PPP3R1: variants seen among roughly 807,000 people sequenced by gnomAD.
PPP3R1 encodes the protein protein phosphatase 3 regulatory subunit B, alpha, also known as calcineurin subunit B type 1.
Under a neutral mutation model 22.6 loss-of-function variants are expected in PPP3R1, and 5 were observed. That is an observed-to-expected ratio of 0.22 (90% CI 0.12 to 0.46). The LOEUF is 0.46. Among genes scored for constraint, PPP3R1 ranks in the 20% least tolerant of loss-of-function variants. The pLI is 0.99. For missense variants in PPP3R1, 61 were observed against 203.2 expected, an observed-to-expected ratio of 0.30 and a Z score of 4.25; for synonymous variants, 56 against 65.2, an observed-to-expected ratio of 0.86 and a Z score of 0.68.
chr2:68,209,358 C>CAAAAA lies in PPP3R1; in HGVS notation c.43+7729_43+7733dup, dbSNP rs777851469. 4.6e-4 allele frequency among the ~76,000 whole-genome samples: 19 copies of CAAAAA among 41,694 alleles called. 1 individual carries two copies. Among genetic ancestry groups the CAAAAA allele is most frequent in the Non-Finnish European group, 5.6e-4 (13 of 23,244 alleles). 27.4% of individuals were successfully genotyped at this position (41,694 alleles called of 152,430 possible). ...TGGGCGACAGAGCGAGACTCTGTCTCAAAAAAAAAAAAAAAAAAAAAAAAA... is the reference window on the plus strand; with the variant it reads ...TGGGCGACAGAGCGAGACTCTGTCTCAAAAAAAAAAAAAAAAAAAAAAAAAAAAAA... On this transcript the variant is annotated intron_variant, in intron 2 of 5. Transcript: ENST00000234310.
At chr2:68,218,120 A>C (rs1168279753) in intron 1 of PPP3R1, among the ~76,000 whole-genome samples, 1 of 152,182 alleles carries the variant, frequency 6.6e-6, no homozygotes, top group Non-Finnish European at 1.5e-5. Context: ...AGCATCCTAT[A>C]TTCTATTTAT....
At chr2:68,185,413 ATTATAT>A (rs2103717364) in intron 5 of PPP3R1, among the ~76,000 whole-genome samples, 1 of 145,092 alleles carries the variant, frequency 6.9e-6, no homozygotes, top group Non-Finnish European at 1.5e-5. Context: ...TCATTTATAT[ATTATAT>A]TTATATATTT....
chr2:68,194,527 G>A (rs775329293), intron 2 of PPP3R1, among the ~76,000 whole-genome samples: 1 of 151,998 alleles, frequency 6.6e-6, no homozygotes, highest in African/African-American at 2.4e-5. Flanking sequence ...ACTTTCAGAT[G>A]ATGAAACATA....
At chr2:68,223,538 T>A (rs1237466415) in intron 1 of PPP3R1, among the ~76,000 whole-genome samples, 1 of 152,080 alleles carries the variant, frequency 6.6e-6, no homozygotes, top group Admixed American at 6.5e-5. Flanking sequence ...GAAGGTTGGT[T>A]TAATATTCAA....
rs183012675 is a variant in PPP3R1 at position 68,181,105 on chromosome 2, G to A, written c.466-95C>T. 1.0e-5 allele frequency: 13 copies of A among 1,244,464 alleles called. No individual in the cohort carries two copies. In the East Asian group the frequency reaches 3.0e-4, roughly 28 times the overall value. 77.1% of individuals were successfully genotyped at this position (1,244,464 alleles called of 1,614,324 possible). ...CATCAAATTTTAAAAAATATTACTA[G>A]GGGGCTGGGCGTGGTGGCTCACACC... On this transcript the variant is annotated intron_variant, in intron 5 of 5. Coordinates refer to ENST00000234310, the MANE Select transcript of PPP3R1 (RefSeq NM_000945.4).
intron 1 of PPP3R1, 45 bp from the exon 2 acceptor site, chr2:68,217,176 T>G: frequency 7.0e-7 from 1 of 1,429,790 alleles, no homozygotes; most frequent in Non-Finnish European, 9.6e-7. Flanking sequence ...TAGGCACAAA[T>G]TTGTTTAAAA....
intron 1 of PPP3R1, among the ~76,000 whole-genome samples, chr2:68,241,165 T>C (rs4671886): frequency 0.22 from 32,247 of 145,338 alleles, 3,682 homozygotes; most frequent in Non-Finnish European, 0.25. Context: ...CTCAAGTCCC[T>C]GATATAAAAT....
chr2:68,217,139 GA>G lies in PPP3R1; in HGVS notation c.4-9del, dbSNP rs1179378466. On this transcript the variant is annotated splice_polypyrimidine_tract_variant and intron_variant, in intron 1 of 5. Coordinates refer to ENST00000234310, the MANE Select transcript of PPP3R1 (RefSeq NM_000945.4). ...ATAACTTGCCTCATTTCCCTGGGGG[GA>G]AAGAAAGAAATAATTAGTCATAAAA... is the stretch of plus-strand genomic sequence containing the variant. 1 of 1,576,268 alleles carries G rather than the reference GA, an allele frequency of 6.3e-7. No homozygotes were observed. Among genetic ancestry groups the G allele is most frequent in the African/African-American group, 1.3e-5 (1 of 74,182 alleles).
At chr2:68,246,047 T>C (rs1027040997) in intron 1 of PPP3R1, among the ~76,000 whole-genome samples, 1 of 151,212 alleles carries the variant, frequency 6.6e-6, no homozygotes, top group African/African-American at 2.4e-5. Flanking sequence ...TTACCCTTTT[T>C]ACTGACTTTT....
At position 68,180,661 on chromosome 2, in the gene PPP3R1, TTTC is replaced by T. The variant is rs1263404938; in HGVS notation, c.*299_*301del. ...TATTTACATATGTATATATAGATAC[TTTC>T]TTGTTATAAAAGATGAAGAAAAATA... is the stretch of plus-strand genomic sequence containing the variant. On this transcript the variant is annotated 3_prime_UTR_variant, in exon 6 of 6. Coordinates refer to ENST00000234310, the MANE Select transcript of PPP3R1 (RefSeq NM_000945.4). The T allele has an allele frequency of 2.1e-4, 45 of 218,440 alleles. No homozygotes were observed. The highest frequency in any genetic ancestry group is 3.0e-4 in the African/African-American group (13 of 43,368). 13.5% of individuals were successfully genotyped at this position (218,440 alleles called of 1,614,324 possible).
chr2:68,239,784 C>T (rs1409161849), intron 1 of PPP3R1, among the ~76,000 whole-genome samples: 1 of 152,140 alleles, frequency 6.6e-6, no homozygotes, highest in Non-Finnish European at 1.5e-5. Context: ...GTTAAATTAG[C>T]CTAAATTTGG....
rs1674379344 is a variant in PPP3R1, at chr2:68,180,511, AAAGT to A, written c.*448_*451del. The A allele has an allele frequency of 6.5e-6, 1 of 152,774 alleles. No individual in the cohort carries two copies. The highest frequency in any genetic ancestry group is 6.5e-5 in the Admixed American group (1 of 15,280). The allele number at this position is 152,774 out of a possible 1,614,324, so 9.5% of individuals were successfully genotyped here. On this transcript the variant is annotated 3_prime_UTR_variant, in exon 6 of 6. Transcript: ENST00000234310. ...TCTATATATAAAACTGTGTGAAATA[AAAGT>A]AAGGATGTTTTATGTTCTGCTTGGC...
intron 1 of PPP3R1, among the ~76,000 whole-genome samples, chr2:68,244,210 A>T (rs1260874108): frequency 6.6e-6 from 1 of 152,228 alleles, no homozygotes; most frequent in Non-Finnish European, 1.5e-5. Context: ...AAAGACTGCC[A>T]AAGTATTAAG....
intron 2 of PPP3R1, among the ~76,000 whole-genome samples, chr2:68,193,371 T>G (rs1326921023): frequency 6.6e-6 from 1 of 152,102 alleles, no homozygotes; most frequent in African/African-American, 2.4e-5. Flanking sequence ...CTCATTTATT[T>G]CCTCATCTCC....
At chr2:68,229,343 T>C (rs1011086915) in intron 1 of PPP3R1, among the ~76,000 whole-genome samples, 5 of 152,102 alleles carry the variant, frequency 3.3e-5, no homozygotes, top group Non-Finnish European at 5.9e-5. Flanking sequence ...AGGACATAAC[T>C]TTCCTTGGTA....
At chr2:68,205,210 C>CATATCA (rs1675089733) in intron 2 of PPP3R1, among the ~76,000 whole-genome samples, 1 of 150,192 alleles carries the variant, frequency 6.7e-6, no homozygotes, top group Non-Finnish European at 1.5e-5. Flanking sequence ...AAATCCCAGA[C>CATATCA]ATATCATTTC....
At chr2:68,236,308 T>C (rs1240695702) in intron 1 of PPP3R1, among the ~76,000 whole-genome samples, 1 of 152,218 alleles carries the variant, frequency 6.6e-6, no homozygotes, top group Non-Finnish European at 1.5e-5. Flanking sequence ...GTACTGTCTA[T>C]AGCTGCTTCA....
At chr2:68,228,728 G>A (rs890246203) in intron 1 of PPP3R1, among the ~76,000 whole-genome samples, 36 of 151,776 alleles carry the variant, frequency 2.4e-4, no homozygotes, top group Non-Finnish European at 2.9e-5. Flanking sequence ...TGGGAGCTTA[G>A]ATTATTGATT....
chr2:68,222,570 T>C (rs1669703856), intron 1 of PPP3R1, among the ~76,000 whole-genome samples: 1 of 152,176 alleles, frequency 6.6e-6, no homozygotes, highest in East Asian at 1.9e-4. Flanking sequence ...AAGTCAAGCT[T>C]TTCCTTACCT....
Sources: allele counts gnomAD v4.1 joint callset (sites outside exome capture counted in the v4.1 genomes callset), GRCh38; gene constraint gnomAD v4.1.1; transcripts MANE v1.5; gene names NCBI Gene and HGNC (gene_info 2026-07-23, HGNC 2026-07-21).